B3GALNT2: variants seen among roughly 807,000 people sequenced by gnomAD.
The protein encoded by B3GALNT2 is UDP-GalNAc:beta-1,3-N-acetylgalactosaminyltransferase 2.
A neutral mutation model predicts 61.1 loss-of-function variants in B3GALNT2; 53 were observed. The observed-to-expected ratio is 0.87, with a 90% CI of 0.70 to 1.09. The LOEUF is 1.09. Ranked by LOEUF, B3GALNT2 falls within the 50% of genes least tolerant of loss-of-function variation. The probability of loss-of-function intolerance (pLI) is 0.00; values close to 1 mark genes in which losing one functional copy is unlikely to be tolerated. For missense variants in B3GALNT2, 544 were observed against 623.0 expected (o/e 0.87, Z 1.35); for synonymous variants, 223 against 237.4 (o/e 0.94, Z 0.56).
Position 235,494,283 on chromosome 1 carries a change from C to CAT in B3GALNT2, c.260+397_260+398insAT, listed in dbSNP as rs1341544623. Reference sequence around the variant, plus strand: ...AACCACACTGGGTATCTAAATACTACACGTTAACCAGTGAATATACTCTCT... The same window carrying CAT: ...AACCACACTGGGTATCTAAATACTACATACGTTAACCAGTGAATATACTCTCT... On this transcript the variant is annotated intron_variant, in intron 2 of 11. Coordinates refer to ENST00000366600, the MANE Select transcript of B3GALNT2 (RefSeq NM_152490.5). Among the ~76,000 whole-genome samples the CAT allele has an allele frequency of 4.6e-5, 3 of 65,504 alleles. No individual in the cohort carries two copies. The African/African-American group carries it at 5.3e-4, about 12-fold the overall frequency. 43.0% of individuals were successfully genotyped at this position (65,504 alleles called of 152,430 possible).
At chr1:235,445,911 G>A (rs574638592), downstream of B3GALNT2, among the ~76,000 whole-genome samples, 3 of 152,324 alleles carry the variant, frequency 2.0e-5, no homozygotes, top group Admixed American at 1.3e-4. Flanking sequence ...AGGCACTGTC[G>A]TGTGTCACCG....
chr1:235,494,418 T>G (rs1439291946), intron 2 of B3GALNT2, among the ~76,000 whole-genome samples: 1 of 152,062 alleles, frequency 6.6e-6, no homozygotes, highest in Non-Finnish European at 1.5e-5. Context: ...CCCACATATC[T>G]GAATGAACAT....
Position 235,448,727 on chromosome 1 carries a change from G to T in B3GALNT2, c.*1479C>A. 1 of 1,614,058 alleles carries T rather than the reference G, an allele frequency of 6.2e-7. No individual in the cohort carries two copies. The highest frequency in any genetic ancestry group is 8.5e-7 in the Non-Finnish European group (1 of 1,179,954). ...CCTAAAGTCATTACAGTTTTATTCT[G>T]TGGAAAATGGAGATTGTCTATTAGT... On this transcript the variant is annotated 3_prime_UTR_variant, in exon 12 of 12. Transcript: ENST00000366600.
intron 6 of B3GALNT2, among the ~76,000 whole-genome samples, chr1:235,465,963 T>C (rs986445363): frequency 1.6e-4 from 24 of 152,158 alleles, no homozygotes; most frequent in African/African-American, 5.3e-4. Context: ...GCAACTTACA[T>C]AGAATCATGT....
In B3GALNT2 at chr1:235,450,040, T is replaced by G; in HGVS notation, c.*166A>C. 1 of 719,684 alleles carries G rather than the reference T, an allele frequency of 1.4e-6. No individual in the cohort carries two copies. Among genetic ancestry groups the G allele is most frequent in the Non-Finnish European group, 2.1e-6 (1 of 469,812 alleles). 44.6% of individuals were successfully genotyped at this position (719,684 alleles called of 1,614,324 possible). ...AGTACAAGTTGATTTTTAAGGAAATTTGTGCAAACATTAAGAAACACCGCA... is the reference window on the plus strand; with the variant it reads ...AGTACAAGTTGATTTTTAAGGAAATGTGTGCAAACATTAAGAAACACCGCA... On this transcript the variant is annotated 3_prime_UTR_variant, in exon 12 of 12. Coordinates refer to ENST00000366600, the MANE Select transcript of B3GALNT2 (RefSeq NM_152490.5).
the B3GALNT2 span, chr1:235,440,813 T>G: frequency 1.3e-5 from 2 of 152,222 alleles, no homozygotes; most frequent in African/African-American, 2.4e-5. Flanking sequence ...GCACTTGGCA[T>G]GCACGGTGGT....
downstream of B3GALNT2, among the ~76,000 whole-genome samples, chr1:235,446,659 G>A (rs1682337466): frequency 6.7e-6 from 1 of 150,090 alleles, no homozygotes; most frequent in African/African-American, 2.4e-5. Flanking sequence ...CATAGAGATT[G>A]CTACTTTCTT....
rs1684950114 is a variant in B3GALNT2, at chr1:235,489,271, G to C, written c.261-3C>G. 6.2e-7 allele frequency: 1 copy of C among 1,613,172 alleles called. No homozygotes were observed. Among genetic ancestry groups the C allele is most frequent in the African/African-American group, 1.3e-5 (1 of 74,904 alleles). ...CTATTATGAACTTCACAAGCACACT[G>C]AGAGATGTGTTGGCATTAACATCAG... is the stretch of plus-strand genomic sequence containing the variant. On this transcript the variant is annotated splice_polypyrimidine_tract_variant and splice_region_variant and intron_variant, in intron 2 of 11. Transcript: ENST00000366600.
In B3GALNT2 at chr1:235,484,310, A is replaced by G. The variant is rs1277419946; in HGVS notation, c.555+12T>C. ...GAAAAAAGAGAAAAAACCTGTACAG[A>G]GCAGTGCATACCTCTTGTTCTGCCT... On this transcript the variant is annotated intron_variant, in intron 4 of 11. Transcript: ENST00000366600. The G allele has an allele frequency of 2.5e-6, 4 of 1,608,778 alleles. No individual in the cohort carries two copies. Among genetic ancestry groups the G allele is most frequent in the Non-Finnish European group, 3.4e-6 (4 of 1,177,986 alleles).
Position 235,448,844 on chromosome 1 carries a change from C to A in B3GALNT2, c.*1362G>T. ...AAATAAATGATTCACTGGAACAATT[C>A]TACTGTCAAAACAAAGGGGGTTTAC... On this transcript the variant is annotated 3_prime_UTR_variant, in exon 12 of 12. Transcript: ENST00000366600. 1 of 1,060,776 alleles carries A rather than the reference C, an allele frequency of 9.4e-7. No individual in the cohort carries two copies. Among genetic ancestry groups the A allele is most frequent in the Non-Finnish European group, 1.4e-6 (1 of 692,544 alleles). 65.7% of individuals were successfully genotyped at this position (1,060,776 alleles called of 1,614,324 possible).
At chr1:235,455,822 G>A (rs1683144064) in intron 8 of B3GALNT2, 138 bp from the exon 9 acceptor site, 4 of 1,142,176 alleles carry the variant, frequency 3.5e-6, no homozygotes, top group Non-Finnish European at 3.6e-6. Flanking sequence ...GAGAACATTT[G>A]CTCTAACAAA....
intron 6 of B3GALNT2, 152 bp downstream of exon 6, chr1:235,470,698 T>C: frequency 8.1e-7 from 1 of 1,227,318 alleles, no homozygotes; most frequent in South Asian, 2.5e-5. Flanking sequence ...GCCTTTACTA[T>C]GAAGACAACA....
chr1:235,459,722 T>C (rs942312828), intron 7 of B3GALNT2, among the ~76,000 whole-genome samples: 1 of 152,152 alleles, frequency 6.6e-6, no homozygotes, highest in African/African-American at 2.4e-5. Context: ...GGCACCCCCT[T>C]TGAGGAGAGG....
chr1:235,448,816 CGGAAATAAATGATTCACT>C lies in B3GALNT2; in HGVS notation c.*1372_*1389del. The C allele has an allele frequency of 3.9e-6, 5 of 1,288,386 alleles. No individual in the cohort carries two copies. In the South Asian group the frequency reaches 6.0e-5, roughly 15 times the overall value. 79.8% of individuals were successfully genotyped at this position (1,288,386 alleles called of 1,614,324 possible). A position where few individuals can be genotyped will look rare whatever the true frequency, so the allele number is the denominator to read the frequency against. ...ACTGCTTATCGTGTCTGGGGTTCAC[CGGAAATAAATGATTCACT>C]GGAACAATTCTACTGTCAAAACAAA... On this transcript the variant is annotated 3_prime_UTR_variant, in exon 12 of 12. Transcript: ENST00000366600.
intron 5 of B3GALNT2, among the ~76,000 whole-genome samples, chr1:235,474,970 TATATATATATATATATA>T (rs1190115446): frequency 0.019 from 643 of 34,388 alleles, 8 homozygotes; most frequent in South Asian, 0.033. Context: ...TATATATATA[TATATATATATATATATA>T]TTTTTTTTTT....
intron 4 of B3GALNT2, among the ~76,000 whole-genome samples, chr1:235,483,390 A>G (rs1363899356): frequency 3.3e-5 from 5 of 152,204 alleles, no homozygotes; most frequent in Non-Finnish European, 5.9e-5. Flanking sequence ...GGTAAAATAC[A>G]TACATTTACA....
intron 5 of B3GALNT2, among the ~76,000 whole-genome samples, chr1:235,472,638 ATGAC>A (rs1684055679): frequency 2.6e-5 from 4 of 152,228 alleles, no homozygotes; most frequent in African/African-American, 9.7e-5. Context: ...CTGGCCTGAC[ATGAC>A]TGACAACTCA....
chr1:235,479,493 G>C (rs572044669), intron 5 of B3GALNT2: 2 of 153,066 alleles, frequency 1.3e-5, no homozygotes, highest in African/African-American at 4.8e-5. Context: ...GGACTAATGA[G>C]GGCACCTGGC....
chr1:235,504,071 G>A, intron 1 of B3GALNT2, 70 bp downstream of exon 1: 2 of 1,197,954 alleles, frequency 1.7e-6, no homozygotes, highest in Non-Finnish European at 2.1e-6. Context: ...TCCCGGCGAA[G>A]CCCCGCGGCA....
Sources: gnomAD v4.1 joint callset for allele counts (sites outside exome capture counted in the v4.1 genomes callset) on GRCh38, gnomAD v4.1.1 for gene constraint, MANE v1.5 for transcripts, NCBI Gene and HGNC (gene_info 2026-07-23, HGNC 2026-07-21) for gene names.